The following CTDSPL variants were observed in gnomAD, a reference collection of about 807,000 sequenced individuals.
The protein encoded by CTDSPL is CTD small phosphatase like.
CTDSPL carries 8 observed loss-of-function variants against 30.5 expected under a neutral mutation model. The observed-to-expected ratio is 0.26, with a 90% CI of 0.15 to 0.47. The LOEUF (loss-of-function observed/expected upper bound fraction) is 0.47, where lower values mean the gene tolerates loss of function less well. Among genes scored for constraint, CTDSPL ranks in the 20% least tolerant of loss-of-function variants. The pLI is 0.99. For missense variants in CTDSPL, 248 were observed against 366.1 expected, an observed-to-expected ratio of 0.68 and a Z score of 2.63; for synonymous variants, 110 against 137.9, an observed-to-expected ratio of 0.80 and a Z score of 1.42.
chr3:37,876,126 T>A (rs1698132049), intron 1 of CTDSPL, among the ~76,000 whole-genome samples: 1 of 152,068 alleles, frequency 6.6e-6, no homozygotes, highest in Admixed American at 6.5e-5. Context: ...ACACCTGTGG[T>A]CTCACCACTT....
At chr3:37,918,558 C>T (rs1358585118) in intron 1 of CTDSPL, among the ~76,000 whole-genome samples, 1 of 152,180 alleles carries the variant, frequency 6.6e-6, no homozygotes, top group African/African-American at 2.4e-5. Flanking sequence ...CCTTCAATCA[C>T]CTTCTATGTT....
At chr3:37,904,346 G>A (rs1698487489) in intron 1 of CTDSPL, among the ~76,000 whole-genome samples, 1 of 152,158 alleles carries the variant, frequency 6.6e-6, no homozygotes, top group Admixed American at 6.5e-5. Flanking sequence ...GGAGGAGTGG[G>A]GCACTCTATC....
At chr3:37,973,304 T>A (rs1351111824) in intron 6 of CTDSPL, among the ~76,000 whole-genome samples, 1 of 152,170 alleles carries the variant, frequency 6.6e-6, no homozygotes, top group East Asian at 1.9e-4. Flanking sequence ...ACCAAAGAAA[T>A]AAACAAGAAG....
chr3:37,966,198 T>C (rs1575321325), intron 4 of CTDSPL, among the ~76,000 whole-genome samples: 2 of 152,300 alleles, frequency 1.3e-5, no homozygotes, highest in South Asian at 2.1e-4. Context: ...TCGGAGAGCA[T>C]TGATGCCACA....
At chr3:37,903,428 C>T (rs562819837) in intron 1 of CTDSPL, among the ~76,000 whole-genome samples, 1 of 152,262 alleles carries the variant, frequency 6.6e-6, no homozygotes, top group Admixed American at 6.5e-5. Context: ...AGGTATGAGG[C>T]TGATTTTGGA....
rs78446774 is a variant in CTDSPL, at chr3:37,969,966, G to C, written c.427-1441G>C. Among the ~76,000 whole-genome samples the C allele has an allele frequency of 1.8e-3, 280 of 152,224 alleles. 2 individuals carry two copies. The highest frequency in any genetic ancestry group is 6.5e-3 in the African/African-American group (268 of 41,522). On this transcript the variant is annotated intron_variant, in intron 5 of 7. Coordinates refer to ENST00000273179, the MANE Select transcript of CTDSPL (RefSeq NM_001008392.2). Reference sequence around the variant, plus strand: ...GCAGAGCCCTCATCTCCCCTCTGCTGCTCCTCCTGCCATTCTCACCTGCTC... The same window carrying C: ...GCAGAGCCCTCATCTCCCCTCTGCTCCTCCTCCTGCCATTCTCACCTGCTC...
In CTDSPL at chr3:37,868,180, A is replaced by G. The variant is rs549344339; in HGVS notation, c.79+5902A>G. Among the ~76,000 whole-genome samples, 6 of 152,156 alleles carry G rather than the reference A, an allele frequency of 3.9e-5. No individual in the cohort carries two copies. The East Asian group carries it at 1.2e-3, about 29-fold the overall frequency. ...TTTCCCTGATGGCTAATGATGTTGA[A>G]CATCTTTTCATGTGCTTATTTTTCT... is the stretch of plus-strand genomic sequence containing the variant. On this transcript the variant is annotated intron_variant, in intron 1 of 7. Transcript: ENST00000273179.
chr3:37,922,733 A>G (rs1274830201), intron 1 of CTDSPL, among the ~76,000 whole-genome samples: 1 of 152,210 alleles, frequency 6.6e-6, no homozygotes, highest in Non-Finnish European at 1.5e-5. Context: ...TGTGGGAAAT[A>G]GCATTCCAGG....
At chr3:37,881,331 C>T (rs1466583125) in intron 1 of CTDSPL, among the ~76,000 whole-genome samples, 1 of 151,934 alleles carries the variant, frequency 6.6e-6, no homozygotes, top group Non-Finnish European at 1.5e-5. Flanking sequence ...GAGCTCAAGA[C>T]CAGCCTGGCC....
intron 1 of CTDSPL, among the ~76,000 whole-genome samples, chr3:37,923,662 G>A (rs772965059): frequency 1.1e-4 from 16 of 152,162 alleles, no homozygotes; most frequent in Non-Finnish European, 2.2e-4. Context: ...GTATACTGTT[G>A]TGGGAATTCA....
chr3:37,962,098 T>C (rs991271523), intron 3 of CTDSPL, among the ~76,000 whole-genome samples: 1 of 152,256 alleles, frequency 6.6e-6, no homozygotes, highest in Admixed American at 6.5e-5. Flanking sequence ...GGTATTTCTC[T>C]TGTTCTTCAG....
chr3:37,884,487 A>G (rs1698242295), intron 1 of CTDSPL, among the ~76,000 whole-genome samples: 1 of 152,222 alleles, frequency 6.6e-6, no homozygotes, highest in South Asian at 2.1e-4. Context: ...AGATGTTTGC[A>G]TGAGCATGCA....
chr3:37,910,282 C>T (rs1317691079), intron 1 of CTDSPL, among the ~76,000 whole-genome samples: 1 of 152,126 alleles, frequency 6.6e-6, no homozygotes, highest in Non-Finnish European at 1.5e-5. Flanking sequence ...GAGTTCGAAA[C>T]CAGCCTGGCC....
chr3:37,922,355 T>C (rs567163221), intron 1 of CTDSPL, among the ~76,000 whole-genome samples: 6 of 152,216 alleles, frequency 3.9e-5, no homozygotes, highest in African/African-American at 1.4e-4. Context: ...AGGCTTGCAG[T>C]GCTGTGGAGT....
intron 7 of CTDSPL, among the ~76,000 whole-genome samples, chr3:37,978,307 A>AGT (rs1156448352): frequency 2.0e-5 from 3 of 152,202 alleles, no homozygotes; most frequent in East Asian, 3.8e-4. Flanking sequence ...ACTAATAACA[A>AGT]GTCTTTGATA....
chr3:37,902,831 A>G lies in CTDSPL; in HGVS notation c.79+40553A>G, dbSNP rs371924623. On this transcript the variant is annotated intron_variant, in intron 1 of 7. Transcript: ENST00000273179. ...AGGACACATTGTGGCTGCTTTCCTC[A>G]ACACAGGCCTGTGGCTGTGGCAAGT... 2.6e-4 allele frequency among the ~76,000 whole-genome samples: 40 copies of G among 152,106 alleles called. No homozygotes were observed. In the East Asian group the frequency reaches 7.5e-3, roughly 29 times the overall value.
intron 1 of CTDSPL, among the ~76,000 whole-genome samples, chr3:37,876,246 TA>T (rs891479825): frequency 3.3e-5 from 5 of 149,290 alleles, no homozygotes; most frequent in African/African-American, 4.9e-5. Flanking sequence ...CGTGTCTCAT[TA>T]AAAAAAAAAT....
chr3:37,914,870 G>GTTATTTTTTTTTTTTT (rs1266252934), intron 1 of CTDSPL, among the ~76,000 whole-genome samples: 1 of 71,796 alleles, frequency 1.4e-5, no homozygotes, highest in African/African-American at 7.3e-5. Flanking sequence ...AGATATATAT[G>GTTATTTTTTTTTTTTT]TTCTTTTTTT....
At chr3:37,899,429 G>T (rs1488921015) in intron 1 of CTDSPL, among the ~76,000 whole-genome samples, 1 of 152,162 alleles carries the variant, frequency 6.6e-6, no homozygotes, top group Non-Finnish European at 1.5e-5. Flanking sequence ...CAAGGGTCTG[G>T]TTCAAGGAAA....
Sources: allele counts gnomAD v4.1 joint callset (sites outside exome capture counted in the v4.1 genomes callset), GRCh38; gene constraint gnomAD v4.1.1; transcripts MANE v1.5; gene names NCBI Gene and HGNC (gene_info 2026-07-23, HGNC 2026-07-21).